Variants in PPFIBP1 observed in about 807,000 individuals in gnomAD.
The protein encoded by PPFIBP1 is PPFIB scaffold protein 1.
PPFIBP1 carries 112 observed loss-of-function variants against 137.8 expected under a neutral mutation model. That is an observed-to-expected ratio of 0.81 (90% CI 0.70 to 0.95). PPFIBP1 has a LOEUF of 0.95. Among genes scored for constraint, PPFIBP1 ranks in the 40% least tolerant of loss-of-function variants. The probability of loss-of-function intolerance (pLI) is 0.00; values close to 1 mark genes in which losing one functional copy is unlikely to be tolerated. For missense variants in PPFIBP1, 1,083 were observed against 1,196.6 expected (o/e 0.91, Z 1.40); for synonymous variants, 378 against 417.3 (o/e 0.91, Z 1.15).
chr12:27,536,197 G>A (rs932485999), intron 1 of PPFIBP1, among the ~76,000 whole-genome samples: 3 of 152,164 alleles, frequency 2.0e-5, no homozygotes, highest in African/African-American at 7.2e-5. Flanking sequence ...AGGAGTTCAC[G>A]GGAATTCTGA....
At chr12:27,631,156 A>G (rs1052106904) in intron 2 of PPFIBP1, among the ~76,000 whole-genome samples, 4 of 151,934 alleles carry the variant, frequency 2.6e-5, no homozygotes, top group African/African-American at 9.7e-5. Flanking sequence ...TATACTCCTC[A>G]TTTATTACTG....
At chr12:27,570,213 A>G (rs1271914046) in intron 1 of PPFIBP1, among the ~76,000 whole-genome samples, 2 of 152,196 alleles carry the variant, frequency 1.3e-5, no homozygotes, top group Admixed American at 6.5e-5. Context: ...TTCTTAAAAT[A>G]TATACACTTA....
At position 27,694,685 on chromosome 12, in the gene PPFIBP1, G is replaced by A. The variant is rs933782073; in HGVS notation, c.*1803G>A. ...AAAGAAAATCGCTGCAGCAAAAACT[G>A]TTACTGTGTTTATTATATTTGTAGA... On this transcript the variant is annotated 3_prime_UTR_variant, in exon 30 of 30. Transcript: ENST00000228425. 6.6e-6 allele frequency: 1 copy of A among 152,184 alleles called. No homozygotes were observed. Among genetic ancestry groups the A allele is most frequent in the African/African-American group, 2.4e-5 (1 of 41,442 alleles). The allele number at this position is 152,184 out of a possible 1,614,324, so 9.4% of individuals were successfully genotyped here. A position where few individuals can be genotyped will look rare whatever the true frequency, so the allele number is the denominator to read the frequency against.
chr12:27,676,825 A>G (rs2060542888), intron 18 of PPFIBP1: 1 of 709,636 alleles, frequency 1.4e-6, no homozygotes, highest in Non-Finnish European at 2.5e-6. Context: ...ACTTAGCGGA[A>G]AGACCTAAAA....
intron 11 of PPFIBP1, among the ~76,000 whole-genome samples, chr12:27,662,185 A>G (rs1350546972): frequency 6.6e-6 from 1 of 152,166 alleles, no homozygotes; most frequent in East Asian, 1.9e-4. Context: ...CATCAGGAAA[A>G]TAAAGGCTTC....
intron 1 of PPFIBP1, among the ~76,000 whole-genome samples, chr12:27,550,991 A>ATATATATTTT (rs375148048): frequency 8.3e-4 from 113 of 136,712 alleles, no homozygotes; most frequent in African/African-American, 3.1e-3. Context: ...ATATATATAT[A>ATATATATTTT]TTTTTTTTTT....
At position 27,688,408 on chromosome 12, in the gene PPFIBP1, C is replaced by T. The variant is rs746379426; in HGVS notation, c.2481C>T (p.Val827=). ...EYAPNLRGSG[V]HGGLMVLEPR... is the part of the protein sequence containing the mutation. Reference sequence around the variant, plus strand: ...CGCCCAATCTCAGAGGCAGTGGTGTCCATGGTGGGCTCATGGTAAAGCTCT... The same window carrying T: ...CGCCCAATCTCAGAGGCAGTGGTGTTCATGGTGGGCTCATGGTAAAGCTCT... The change falls in exon 26 of 30, where the codon GTC becomes GTT. Residue 827 remains valine, a synonymous_variant. Coordinates refer to ENST00000228425, the MANE Select transcript of PPFIBP1 (RefSeq NM_003622.4). 14 of 1,613,836 alleles carry T rather than the reference C, an allele frequency of 8.7e-6. No homozygotes were observed. Among genetic ancestry groups the T allele is most frequent in the Non-Finnish European group, 1.1e-5 (13 of 1,179,988 alleles).
chr12:27,565,554 T>G (rs1289452857), intron 1 of PPFIBP1, among the ~76,000 whole-genome samples: 6 of 152,188 alleles, frequency 3.9e-5, no homozygotes, highest in African/African-American at 1.4e-4. Context: ...CTGTCTCACA[T>G]GTCCAGTTGT....
chr12:27,667,261 C>A lies in PPFIBP1; in HGVS notation c.1087C>A (p.Pro363Thr). The stretch of plus-strand genomic sequence containing the variant: ...CAGTGATCTGGAGAAAAGTCCATCA[C>A]CCACTCCAGTAATGGGATCTCCCAG... ...GFSDLEKSPSPTPVMGSPSCD... is the reference protein window; with the variant it reads ...GFSDLEKSPSTTPVMGSPSCD... The change falls in exon 13 of 30, where the codon CCC (proline) becomes ACC (threonine). Residue 363 changes from proline (P) to threonine (T), a missense_variant. Coordinates refer to ENST00000228425, the MANE Select transcript of PPFIBP1 (RefSeq NM_003622.4). 6.2e-7 allele frequency: 1 copy of A among 1,613,716 alleles called. No individual in the cohort carries two copies. Among genetic ancestry groups the A allele is most frequent in the Non-Finnish European group, 8.5e-7 (1 of 1,179,770 alleles).
intron 2 of PPFIBP1, among the ~76,000 whole-genome samples, chr12:27,590,478 C>G (rs1327925564): frequency 6.6e-6 from 1 of 152,296 alleles, no homozygotes; most frequent in East Asian, 1.9e-4. Flanking sequence ...GCGCAGCCCA[C>G]TGTGTTAGGA....
At chr12:27,664,780 T>C (rs898707601) in intron 12 of PPFIBP1, among the ~76,000 whole-genome samples, 9 of 152,034 alleles carry the variant, frequency 5.9e-5, no homozygotes, top group Non-Finnish European at 4.4e-5. Context: ...TGCAAGGTGG[T>C]GGGCAGTGGG....
At chr12:27,589,348 G>A (rs778087341) in intron 2 of PPFIBP1, among the ~76,000 whole-genome samples, 7 of 152,088 alleles carry the variant, frequency 4.6e-5, no homozygotes, top group East Asian at 1.9e-4. Context: ...CTCTTGAGCC[G>A]TGAATTTTCT....
intron 2 of PPFIBP1, among the ~76,000 whole-genome samples, chr12:27,583,628 G>C (rs892064886): frequency 2.0e-5 from 3 of 152,152 alleles, no homozygotes; most frequent in African/African-American, 7.2e-5. Context: ...TATCAAGCAG[G>C]AAATAAGAGT....
intron 2 of PPFIBP1, among the ~76,000 whole-genome samples, chr12:27,588,555 G>A (rs2052070960): frequency 6.6e-6 from 1 of 152,140 alleles, no homozygotes; most frequent in Non-Finnish European, 1.5e-5. Flanking sequence ...TGTTTGAAGG[G>A]TTTTCTTTTC....
chr12:27,601,100 A>G (rs1253190732), intron 2 of PPFIBP1, among the ~76,000 whole-genome samples: 1 of 152,198 alleles, frequency 6.6e-6, no homozygotes, highest in East Asian at 1.9e-4. Flanking sequence ...GTACCTGTTG[A>G]CAAACATCTT....
chr12:27,634,868 A>G, intron 3 of PPFIBP1, 42 bp from the exon 4 acceptor site: 1 of 1,557,904 alleles, frequency 6.4e-7, no homozygotes, highest in Non-Finnish European at 8.8e-7. Flanking sequence ...TTTTTATCTA[A>G]CATAAATCCC....
intron 8 of PPFIBP1, 127 bp downstream of exon 8, chr12:27,654,941 A>C (rs150420331): frequency 4.4e-5 from 62 of 1,404,074 alleles, no homozygotes; most frequent in Non-Finnish European, 5.5e-5. Flanking sequence ...GTAAATGAAG[A>C]TTTCCCCCCA....
At chr12:27,629,671 A>G (rs1475751183) in intron 2 of PPFIBP1, among the ~76,000 whole-genome samples, 1 of 152,230 alleles carries the variant, frequency 6.6e-6, no homozygotes, top group African/African-American at 2.4e-5. Flanking sequence ...AGGACTTAAG[A>G]AAGTCTTTTT....
intron 24 of PPFIBP1, among the ~76,000 whole-genome samples, chr12:27,683,449 G>A (rs2061002923): frequency 6.6e-6 from 1 of 152,214 alleles, no homozygotes; most frequent in African/African-American, 2.4e-5. Flanking sequence ...TGACCATTTG[G>A]AAGAGGCCAC....
Sources: allele counts gnomAD v4.1 joint callset (sites outside exome capture counted in the v4.1 genomes callset), GRCh38; gene constraint gnomAD v4.1.1; transcripts MANE v1.5; gene names NCBI Gene and HGNC (gene_info 2026-07-23, HGNC 2026-07-21).